PHF12: variants seen among roughly 807,000 people sequenced by gnomAD.
The protein encoded by PHF12 is PHD factor 1.
In PHF12, 6 loss-of-function variants were observed where a neutral mutation model predicts 99.8. The observed-to-expected ratio is 0.06, with a 90% CI of 0.03 to 0.12. The LOEUF (loss-of-function observed/expected upper bound fraction) is 0.12. Ranked by LOEUF, PHF12 falls within the 10% of genes least tolerant of loss-of-function variation. The probability of loss-of-function intolerance (pLI) is 1.00; values close to 1 mark genes in which losing one functional copy is unlikely to be tolerated. For missense variants in PHF12, 954 were observed against 1,300.1 expected, an observed-to-expected ratio of 0.73 and a Z score of 4.09; for synonymous variants, 480 against 514.9, an observed-to-expected ratio of 0.93 and a Z score of 0.92.
chr17:28,943,167 T>C (rs2040651592), intron 2 of PHF12, among the ~76,000 whole-genome samples: 1 of 152,152 alleles, frequency 6.6e-6, no homozygotes, highest in Non-Finnish European at 1.5e-5. Flanking sequence ...ATAACAAGTG[T>C]TGTCAAGGAA....
At chr17:28,931,457 A>C (rs1028293182) in intron 2 of PHF12, among the ~76,000 whole-genome samples, 6 of 151,042 alleles carry the variant, frequency 4.0e-5, no homozygotes, top group African/African-American at 7.3e-5. Context: ...GGGTTTCACC[A>C]TGTTGGCCAG....
In PHF12 at chr17:28,906,667, A is replaced by G; in HGVS notation, c.2681-150T>C. On this transcript the variant is annotated intron_variant, in intron 14 of 14. Transcript: ENST00000332830. The surrounding 1 kb of genome is among the most constrained non-coding windows in gnomAD (Gnocchi z 4.2). The stretch of plus-strand genomic sequence containing the variant: ...CTCAGAAAGGGTTGGTGGAGTCTGA[A>G]GTCCCCACAGGTGTGTACACACATG... 2 of 1,206,934 alleles carry G rather than the reference A, an allele frequency of 1.7e-6. No individual in the cohort carries two copies. The highest frequency in any genetic ancestry group is 2.3e-6 in the Non-Finnish European group (2 of 872,954). 74.8% of individuals were successfully genotyped at this position (1,206,934 alleles called of 1,614,324 possible).
At chr17:28,922,584 T>C (rs1041399379) in intron 4 of PHF12, among the ~76,000 whole-genome samples, 1 of 152,152 alleles carries the variant, frequency 6.6e-6, no homozygotes, top group Non-Finnish European at 1.5e-5. Flanking sequence ...GACCCAGCAA[T>C]TTTATTGTCC....
chr17:28,911,778 T>TA (rs2039965149), intron 9 of PHF12, among the ~76,000 whole-genome samples: 1 of 151,984 alleles, frequency 6.6e-6, no homozygotes, highest in South Asian at 2.1e-4. Context: ...CACAGAGGGT[T>TA]CCGGCAGCAT....
rs145042520 is a variant in PHF12, at chr17:28,920,255, C to T, written c.837-980G>A. ...ACTATCTAGTTCCCTTTCCCTATAC[C>T]TTTTGCTGTGAAACATTTCTTTTTG... is the stretch of plus-strand genomic sequence containing the variant. On this transcript the variant is annotated intron_variant, in intron 5 of 14. Transcript: ENST00000332830. Among the ~76,000 whole-genome samples the T allele has an allele frequency of 8.5e-5, 13 of 152,284 alleles. No homozygotes were observed. The East Asian group carries it at 2.5e-3, about 29-fold the overall frequency.
chr17:28,911,030 T>G, intron 10 of PHF12, 82 bp downstream of exon 10: 5 of 1,570,142 alleles, frequency 3.2e-6, no homozygotes, highest in Non-Finnish European at 3.5e-6. Context: ...CTTCCCTCCC[T>G]TTCTGAAATG....
At chr17:28,909,770 T>G in intron 11 of PHF12, 1 of 367,818 alleles carries the variant, frequency 2.7e-6, no homozygotes, top group Non-Finnish European at 5.0e-6. Flanking sequence ...TTAAAATTAT[T>G]TGTAGAGATA....
intron 3 of PHF12, chr17:28,925,349 A>G (rs918015109): frequency 1.3e-5 from 2 of 152,268 alleles, no homozygotes; most frequent in Non-Finnish European, 2.9e-5. Context: ...GAAAGGGATA[A>G]TTTGGAGTTG....
Position 28,950,998 on chromosome 17 carries a change from C to G in PHF12, c.-38G>C, listed in dbSNP as rs750680825. ...CGGGCTGGGTGCTCTCTGCTCCGGC[C>G]CCCCCAACCCCGGGGGGAGGGGGGA... is the stretch of plus-strand genomic sequence containing the variant. On this transcript the variant is annotated 5_prime_UTR_variant, in exon 1 of 15. Coordinates refer to ENST00000332830, the MANE Select transcript of PHF12 (RefSeq NM_001033561.2). The surrounding 1 kb of genome is among the most constrained non-coding windows in gnomAD (Gnocchi z 5.7). The G allele has an allele frequency of 1.2e-6, 2 of 1,611,986 alleles. No individual in the cohort carries two copies. Among genetic ancestry groups the G allele is most frequent in the Non-Finnish European group, 1.7e-6 (2 of 1,178,920 alleles).
At position 28,906,466 on chromosome 17, in the gene PHF12, A is replaced by G; in HGVS notation, c.2732T>C (p.Met911Thr). ...QDEEPSEEAA[M>T]MSSQAQGPQR... is the part of the protein sequence containing the mutation. ...CGGCCCCTGGGCCTGGGAACTCATC[A>G]TGGCTGCCTCCTCACTTGGCTCTTC... Residue 911 changes from methionine (M) to threonine (T), a missense_variant, in exon 15 of 15, where the codon ATG becomes ACG. This residue lies in a region of PHF12 where 136 missense variants were observed against 172.3 expected (regional missense o/e 0.79). Coordinates refer to ENST00000332830, the MANE Select transcript of PHF12 (RefSeq NM_001033561.2). The surrounding 1 kb of genome is among the most constrained non-coding windows in gnomAD (Gnocchi z 4.2). 6.2e-7 allele frequency: 1 copy of G among 1,613,306 alleles called. No homozygotes were observed. Among genetic ancestry groups the G allele is most frequent in the Non-Finnish European group, 8.5e-7 (1 of 1,179,564 alleles).
intron 11 of PHF12, 95 bp downstream of exon 11, chr17:28,910,127 GAGAT>G (rs778615462): frequency 1.3e-6 from 2 of 1,543,998 alleles, no homozygotes. Context: ...AAGGAGGTTT[GAGAT>G]ACTGGAAGCT....
chr17:28,949,939 G>A lies in PHF12; in HGVS notation c.248+126C>T, dbSNP rs1191767475. The A allele has an allele frequency of 5.3e-6, 6 of 1,139,290 alleles. No homozygotes were observed. Among genetic ancestry groups the A allele is most frequent in the African/African-American group, 1.6e-5 (1 of 63,558 alleles). 70.6% of individuals were successfully genotyped at this position (1,139,290 alleles called of 1,614,324 possible). On this transcript the variant is annotated intron_variant, in intron 2 of 14. Coordinates refer to ENST00000332830, the MANE Select transcript of PHF12 (RefSeq NM_001033561.2). The surrounding 1 kb of genome is among the most constrained non-coding windows in gnomAD (Gnocchi z 4.6). ...CTGGGGGCGGGGAGGTGCTCGCCCC[G>A]GCAGCTGCAGAAAGTCAGCTAGCGG... is the stretch of plus-strand genomic sequence containing the variant.
Position 28,923,996 on chromosome 17 carries a change from AGGGCCGCCTCAGCTG to A in PHF12, c.613_627del (p.Gln205_Pro209del), listed in dbSNP as rs778926141. On this transcript the variant is annotated inframe_deletion, in exon 4 of 15. Coordinates refer to ENST00000332830, the MANE Select transcript of PHF12 (RefSeq NM_001033561.2). Reference sequence around the variant, plus strand: ...ATGGCGGCAGCAATCAGCAGCTCAAAGGGCCGCCTCAGCTGGGGCTGCACATAGTCTGGCTCCGCT... The same window carrying A: ...ATGGCGGCAGCAATCAGCAGCTCAAAGGGCTGCACATAGTCTGGCTCCGCT... The A allele has an allele frequency of 6.2e-7, 1 of 1,614,108 alleles. No individual in the cohort carries two copies. The highest frequency in any genetic ancestry group is 8.5e-7 in the Non-Finnish European group (1 of 1,180,034).
At position 28,949,917 on chromosome 17, in the gene PHF12, G is replaced by C. The variant is rs966482659; in HGVS notation, c.248+148C>G. The stretch of plus-strand genomic sequence containing the variant: ...ACTGCCAGAACCCGGCGGACACCTG[G>C]GGGCGGGGAGGTGCTCGCCCCGGCA... On this transcript the variant is annotated intron_variant, in intron 2 of 14. Transcript: ENST00000332830. This position sits in a 1 kb window ranked among gnomAD's most constrained non-coding sequence, Gnocchi z 4.6. The C allele has an allele frequency of 2.2e-6, 2 of 890,066 alleles. No individual in the cohort carries two copies. Among genetic ancestry groups the C allele is most frequent in the Non-Finnish European group, 1.7e-6 (1 of 599,020 alleles). 55.1% of individuals were successfully genotyped at this position (890,066 alleles called of 1,614,324 possible).
In PHF12 at chr17:28,949,293, C is replaced by A. The variant is rs2040767746; in HGVS notation, c.248+772G>T. Among the ~76,000 whole-genome samples the A allele has an allele frequency of 1.3e-5, 2 of 152,042 alleles. No individual in the cohort carries two copies. The highest frequency in any genetic ancestry group is 4.2e-4 in the South Asian group (2 of 4,808). ...CCCGGCCCGATTTCCTAAGAGGCAG[C>A]GGCGCCGGGAGGGAGGAGGGAAGAG... On this transcript the variant is annotated intron_variant, in intron 2 of 14. Coordinates refer to ENST00000332830, the MANE Select transcript of PHF12 (RefSeq NM_001033561.2). The surrounding 1 kb of genome is among the most constrained non-coding windows in gnomAD (Gnocchi z 4.6).
At chr17:28,927,109 G>A (rs1458389402) in intron 2 of PHF12, 46 bp from the exon 3 acceptor site, 1 of 1,549,292 alleles carries the variant, frequency 6.5e-7, no homozygotes, top group East Asian at 2.3e-5. Flanking sequence ...AGCCCTTTGA[G>A]GCAGTAGGAA....
At position 28,949,833 on chromosome 17, in the gene PHF12, CTT is replaced by C. The variant is rs1232921096; in HGVS notation, c.248+230_248+231del. On this transcript the variant is annotated intron_variant, in intron 2 of 14. Coordinates refer to ENST00000332830, the MANE Select transcript of PHF12 (RefSeq NM_001033561.2). The surrounding 1 kb of genome is among the most constrained non-coding windows in gnomAD (Gnocchi z 4.6). ...GACTTCCAATCCCATATGGGGTTCTCTTCACTCGTCCCAACCCCCACCTCGGG... is the reference window on the plus strand; with the variant it reads ...GACTTCCAATCCCATATGGGGTTCTCCACTCGTCCCAACCCCCACCTCGGG... 1.9e-6 allele frequency: 1 copy of C among 516,962 alleles called. No individual in the cohort carries two copies. The highest frequency in any genetic ancestry group is 3.4e-6 in the Non-Finnish European group (1 of 292,010). The allele number at this position is 516,962 out of a possible 1,614,324, so 32.0% of individuals were successfully genotyped here.
At position 28,942,864 on chromosome 17, in the gene PHF12, G is replaced by A. The variant is rs151035783; in HGVS notation, c.248+7201C>T. On this transcript the variant is annotated intron_variant, in intron 2 of 14. Coordinates refer to ENST00000332830, the MANE Select transcript of PHF12 (RefSeq NM_001033561.2). ...ATAAATAAATAAATAAATAAAAGATGGGGGAAGTGTAAAGACAACCCACAA... is the reference window on the plus strand; with the variant it reads ...ATAAATAAATAAATAAATAAAAGATAGGGGAAGTGTAAAGACAACCCACAA... Among the ~76,000 whole-genome samples the A allele has an allele frequency of 4.9e-3, 748 of 151,866 alleles. 5 individuals carry two copies. The highest frequency in any genetic ancestry group is 0.017 in the African/African-American group (699 of 41,460).
intron 6 of PHF12, among the ~76,000 whole-genome samples, chr17:28,917,761 G>T (rs1040012769): frequency 6.6e-6 from 1 of 152,166 alleles, no homozygotes; most frequent in African/African-American, 2.4e-5. Flanking sequence ...TTCCAGCTCA[G>T]AGAAGCCTCT....
Sources: allele counts gnomAD v4.1 joint callset (sites outside exome capture counted in the v4.1 genomes callset), GRCh38; gene constraint gnomAD v4.1.1; regional missense constraint gnomAD v4.1.1; non-coding constraint Gnocchi (gnomAD v3.1); transcripts MANE v1.5; gene names NCBI Gene and HGNC (gene_info 2026-07-23, HGNC 2026-07-21).